PAPPA2: variants seen among roughly 807,000 people sequenced by gnomAD.
PAPPA2 encodes pappalysin 2.
A neutral mutation model predicts 176.4 loss-of-function variants in PAPPA2; 86 were observed. That is an observed-to-expected ratio of 0.49 (90% confidence interval 0.41 to 0.58). The LOEUF is 0.58. Among genes scored for constraint, PAPPA2 ranks in the 20% least tolerant of loss-of-function variants. PAPPA2 has a pLI of 0.00. For missense variants in PAPPA2, 2,073 were observed against 2,256.9 expected (o/e 0.92, Z 1.65); for synonymous variants, 809 against 852.2 (o/e 0.95, Z 0.88).
At chr1:176,653,415 A>G (rs1206866442) in intron 3 of PAPPA2, among the ~76,000 whole-genome samples, 1 of 151,650 alleles carries the variant, frequency 6.6e-6, no homozygotes, top group Non-Finnish European at 1.5e-5. Flanking sequence ...TTTGTCTTTC[A>G]GGAGGTTCAC....
chr1:176,815,387 T>C (rs1259981936), intron 21 of PAPPA2, among the ~76,000 whole-genome samples: 1 of 152,188 alleles, frequency 6.6e-6, no homozygotes, highest in African/African-American at 2.4e-5. Context: ...TCTAGGTTTA[T>C]TTGGAAGACT....
chr1:176,542,134 CTT>C (rs911725392), intron 1 of PAPPA2, among the ~76,000 whole-genome samples: 32 of 152,166 alleles, frequency 2.1e-4, no homozygotes, highest in South Asian at 1.2e-3. Context: ...ATTATTTCCT[CTT>C]ATAGATAGAG....
At chr1:176,732,365 G>A (rs1662201498) in intron 12 of PAPPA2, among the ~76,000 whole-genome samples, 1 of 152,098 alleles carries the variant, frequency 6.6e-6, no homozygotes, top group Non-Finnish European at 1.5e-5. Context: ...CCAGTTAAGT[G>A]ACCTTATAAA....
chr1:176,805,745 G>A (rs77046786), intron 21 of PAPPA2, among the ~76,000 whole-genome samples: 2,387 of 152,198 alleles, frequency 0.016, 28 homozygotes, highest in Middle Eastern at 0.031. Context: ...CACTTTGAGA[G>A]GCTAAAGCAG....
chr1:176,755,678 C>T (rs1447767462), intron 14 of PAPPA2, among the ~76,000 whole-genome samples: 2 of 152,142 alleles, frequency 1.3e-5, no homozygotes, highest in African/African-American at 4.8e-5. Context: ...CTTTGCAAAT[C>T]ATGTGTGTTG....
intron 14 of PAPPA2, among the ~76,000 whole-genome samples, chr1:176,744,551 A>T (rs1262358044): frequency 6.6e-6 from 1 of 152,106 alleles, no homozygotes; most frequent in Admixed American, 6.6e-5. Flanking sequence ...ACCCTACCTC[A>T]CTAAGACCTC....
At chr1:176,480,826 C>G (rs1026022430) in intron 1 of PAPPA2, among the ~76,000 whole-genome samples, 2 of 152,072 alleles carry the variant, frequency 1.3e-5, no homozygotes, top group Admixed American at 1.3e-4. Flanking sequence ...ACGTTCATAC[C>G]TGGAATCATA....
chr1:176,492,102 T>C (rs937761890), intron 1 of PAPPA2, among the ~76,000 whole-genome samples: 1 of 152,124 alleles, frequency 6.6e-6, no homozygotes, highest in African/African-American at 2.4e-5. Context: ...GATGTGAGGA[T>C]TTGCCAATGA....
chr1:176,581,042 CA>C (rs1652929656), intron 2 of PAPPA2, among the ~76,000 whole-genome samples: 1 of 152,124 alleles, frequency 6.6e-6, no homozygotes, highest in South Asian at 2.1e-4. Flanking sequence ...TTTCCCAAAC[CA>C]ACATCCTGAA....
chr1:176,710,945 T>C (rs933484840), intron 11 of PAPPA2, among the ~76,000 whole-genome samples: 2 of 152,116 alleles, frequency 1.3e-5, no homozygotes, highest in African/African-American at 2.4e-5. Context: ...GCTCAAAACA[T>C]GGCTGCAGTT....
intron 3 of PAPPA2, among the ~76,000 whole-genome samples, chr1:176,615,826 A>T (rs1655189665): frequency 6.6e-6 from 1 of 152,202 alleles, no homozygotes; most frequent in African/African-American, 2.4e-5. Context: ...GAAGGAATAA[A>T]CCACATAAGG....
At chr1:176,701,705 T>A (rs759130734) in intron 8 of PAPPA2, among the ~76,000 whole-genome samples, 28 of 152,164 alleles carry the variant, frequency 1.8e-4, no homozygotes, top group Admixed American at 3.3e-4. Flanking sequence ...AGAATACTGA[T>A]GGCAGCCACT....
chr1:176,737,366 A>G (rs1298160928), intron 12 of PAPPA2, among the ~76,000 whole-genome samples: 1 of 152,032 alleles, frequency 6.6e-6, no homozygotes, highest in Admixed American at 6.6e-5. Context: ...TGAATTTATT[A>G]TACATGTACA....
At chr1:176,708,948 T>A (rs1330478805) in intron 10 of PAPPA2, among the ~76,000 whole-genome samples, 1 of 152,116 alleles carries the variant, frequency 6.6e-6, no homozygotes, top group Non-Finnish European at 1.5e-5. Flanking sequence ...AAAATGGAAA[T>A]TTGAATTGTG....
chr1:176,677,080 G>A (rs752920712), intron 4 of PAPPA2, among the ~76,000 whole-genome samples: 3 of 152,058 alleles, frequency 2.0e-5, no homozygotes, highest in Non-Finnish European at 2.9e-5. Flanking sequence ...GATTCAATAG[G>A]AAATTGTTTG....
In PAPPA2 at chr1:176,632,507, C is replaced by A. The variant is rs540865798; in HGVS notation, c.1991+36912C>A. ...TCGCGCCACTGCACTCCAGCCTGGG[C>A]GACAGAGAGAAACTCCGTCTCAAAA... is the stretch of plus-strand genomic sequence containing the variant. On this transcript the variant is annotated intron_variant, in intron 3 of 22. Transcript: ENST00000367662. Among the ~76,000 whole-genome samples, 4 of 151,432 alleles carry A rather than the reference C, an allele frequency of 2.6e-5. No individual in the cohort carries two copies. The East Asian group carries it at 5.8e-4, about 22-fold the overall frequency.
At chr1:176,820,117 A>G (rs1239634000) in intron 21 of PAPPA2, among the ~76,000 whole-genome samples, 3 of 152,304 alleles carry the variant, frequency 2.0e-5, no homozygotes, top group African/African-American at 7.2e-5. Flanking sequence ...GTCTTTGGAT[A>G]CTTAACCAAA....
chr1:176,527,281 A>G (rs977566362), intron 1 of PAPPA2, among the ~76,000 whole-genome samples: 4 of 152,358 alleles, frequency 2.6e-5, no homozygotes, highest in African/African-American at 7.2e-5. Flanking sequence ...GACAGGCTCT[A>G]TAGTGAGGGC....
chr1:176,517,474 G>A (rs1021381855), intron 1 of PAPPA2, among the ~76,000 whole-genome samples: 1 of 152,142 alleles, frequency 6.6e-6, no homozygotes, highest in East Asian at 1.9e-4. Flanking sequence ...ATACTTTGGT[G>A]TTTATAAATA....
Sources: allele counts gnomAD v4.1 joint callset (sites outside exome capture counted in the v4.1 genomes callset), GRCh38; gene constraint gnomAD v4.1.1; transcripts MANE v1.5; gene names NCBI Gene and HGNC (gene_info 2026-07-23, HGNC 2026-07-21).